Variants in CPLX4 observed in about 807,000 individuals in gnomAD.
CPLX4 encodes the protein complexin 4.
In CPLX4, 17 loss-of-function variants were observed where a neutral mutation model predicts 16.1. The ratio of observed to expected loss-of-function variants is 1.06; its 90% CI spans 0.72 to 1.59. The LOEUF is 1.59. Ranked by LOEUF, CPLX4 falls within the 40% of genes most tolerant of loss-of-function variation. CPLX4 has a pLI of 0.00. For missense variants in CPLX4, 193 were observed against 192.9 expected, an observed-to-expected ratio of 1.00 and a Z score of 0.00; for synonymous variants, 55 against 57.8, an observed-to-expected ratio of 0.95 and a Z score of 0.22.
intron 1 of CPLX4, among the ~76,000 whole-genome samples, chr18:59,313,868 G>A (rs535434942): frequency 2.6e-5 from 4 of 152,316 alleles, no homozygotes; most frequent in African/African-American, 7.2e-5. Context: ...TTAGGCCCAC[G>A]TGAGGCCTGA....
At chr18:59,297,702 G>A (rs942711778) in intron 2 of CPLX4, among the ~76,000 whole-genome samples, 4 of 152,192 alleles carry the variant, frequency 2.6e-5, no homozygotes, top group Non-Finnish European at 4.4e-5. Flanking sequence ...TCAGCCCCAT[G>A]CCAAGACCCA....
chr18:59,314,802 C>T (rs1221855164), intron 1 of CPLX4, among the ~76,000 whole-genome samples: 1 of 152,180 alleles, frequency 6.6e-6, no homozygotes, highest in Admixed American at 6.5e-5. Flanking sequence ...AAAATACTTT[C>T]GAGATTTAAC....
intron 1 of CPLX4, among the ~76,000 whole-genome samples, chr18:59,315,065 TG>T (rs35742794): frequency 0.056 from 8,578 of 152,340 alleles, 310 homozygotes; most frequent in Middle Eastern, 0.13. Flanking sequence ...GGTAACTTAC[TG>T]GGATGCATTT....
chr18:59,313,617 T>G (rs1312412305), intron 1 of CPLX4, among the ~76,000 whole-genome samples: 5 of 152,200 alleles, frequency 3.3e-5, no homozygotes, highest in Non-Finnish European at 5.9e-5. Context: ...CTATATTGGG[T>G]TAGACCAAGC....
chr18:59,314,671 C>A (rs959171672), intron 1 of CPLX4, among the ~76,000 whole-genome samples: 1 of 152,170 alleles, frequency 6.6e-6, no homozygotes, highest in Admixed American at 6.5e-5. Context: ...CAAGGCCTAC[C>A]CCCTAGCCCT....
At chr18:59,297,065 GTCCT>G in intron 2 of CPLX4, 140 bp from the exon 3 acceptor site, 1 of 1,366,314 alleles carries the variant, frequency 7.3e-7, no homozygotes, top group Non-Finnish European at 9.7e-7. Context: ...GCAGAGCCTG[GTCCT>G]GATGGCAGTT....
chr18:59,306,079 G>C (rs1271804425), intron 2 of CPLX4, among the ~76,000 whole-genome samples: 1 of 152,210 alleles, frequency 6.6e-6, no homozygotes, highest in African/African-American at 2.4e-5. Flanking sequence ...GGTTTCAGCA[G>C]AGCAGTGAGA....
In CPLX4 at chr18:59,296,822, T is replaced by C. The variant is rs888520772; in HGVS notation, c.359A>G (p.Lys120Arg). 6.2e-7 allele frequency: 1 copy of C among 1,613,820 alleles called. No homozygotes were observed. Among genetic ancestry groups the C allele is most frequent in the African/African-American group, 1.3e-5 (1 of 74,868 alleles). ...CTGTATCTGCCCAAGAATAGAATCT[T>C]TATCTTCTTCCTCTTCTTGATCTTC... Reference protein sequence around the residue: ...VDEDQEEEEDKDSILGQIQNL... With the variant: ...VDEDQEEEEDRDSILGQIQNL... Residue 120 changes from lysine (K) to arginine (R), a missense_variant, in exon 3 of 3, where the codon AAA becomes AGA. Physicochemically the swap from Lys to Arg is conservative, Grantham distance 26. Transcript: ENST00000299721.
At chr18:59,301,889 C>A (rs1476187144) in intron 2 of CPLX4, among the ~76,000 whole-genome samples, 1 of 152,212 alleles carries the variant, frequency 6.6e-6, no homozygotes, top group African/African-American at 2.4e-5. Context: ...GACTGTTGAG[C>A]AGATTGAATG....
At chr18:59,297,992 C>T (rs1224381573) in intron 2 of CPLX4, among the ~76,000 whole-genome samples, 1 of 152,220 alleles carries the variant, frequency 6.6e-6, no homozygotes, top group Non-Finnish European at 1.5e-5. Context: ...TTCGGTGTTG[C>T]TGACGCTGTC....
Position 59,312,685 on chromosome 18 carries a change from C to A in CPLX4, c.255G>T (p.Lys85Asn). ...ATTAGATGTTTCCAGAGTGTCTTAC[C>A]TTTGGGAGCCTGTATTTTTCTCTGA... The part of the protein sequence containing the change: ...VHLREKYRLP[K>N]SEMDENQIQM... The change falls in exon 2 of 3, where the codon AAG becomes AAT. Residue 85 changes from lysine (K) to asparagine (N), a missense_variant and splice_region_variant. Transcript: ENST00000299721. 1.6e-6 allele frequency: 2 copies of A among 1,228,164 alleles called. No homozygotes were observed. The highest frequency in any genetic ancestry group is 3.4e-5 in the Admixed American group (2 of 59,258). 76.1% of individuals were successfully genotyped at this position (1,228,164 alleles called of 1,614,324 possible).
rs2070664048 is a variant in CPLX4, at chr18:59,318,287, T to C, written c.167+9A>G. On this transcript the variant is annotated intron_variant, in intron 1 of 2. Coordinates refer to ENST00000299721, the MANE Select transcript of CPLX4 (RefSeq NM_181654.4). ...GCTTTTTAAGGGAAATGAAATAGCA[T>C]GTACTCACTTCTCCTCAATCATTTG... is the stretch of plus-strand genomic sequence containing the variant. 1 of 1,596,910 alleles carries C rather than the reference T, an allele frequency of 6.3e-7. No individual in the cohort carries two copies. The highest frequency in any genetic ancestry group is 1.3e-5 in the African/African-American group (1 of 74,236).
At chr18:59,302,426 G>T (rs2070548169) in intron 2 of CPLX4, among the ~76,000 whole-genome samples, 1 of 152,244 alleles carries the variant, frequency 6.6e-6, no homozygotes, top group South Asian at 2.1e-4. Context: ...TGGCGTGAAT[G>T]AATGAATGAG....
intron 2 of CPLX4, among the ~76,000 whole-genome samples, chr18:59,302,400 T>C (rs1268137697): frequency 1.3e-5 from 2 of 152,190 alleles, no homozygotes; most frequent in African/African-American, 4.8e-5. Context: ...GAGGGAAGGC[T>C]CAAGGATGAG....
At position 59,296,007 on chromosome 18, in the gene CPLX4, C is replaced by T. The variant is rs2070497444; in HGVS notation, c.*691G>A. The T allele has an allele frequency of 6.6e-6, 1 of 152,326 alleles. No homozygotes were observed. Among genetic ancestry groups the T allele is most frequent in the South Asian group, 2.1e-4 (1 of 4,828 alleles). 9.4% of individuals were successfully genotyped at this position (152,326 alleles called of 1,614,324 possible). On this transcript the variant is annotated 3_prime_UTR_variant, in exon 3 of 3. Transcript: ENST00000299721. ...TTTCCCTCTGCCTCTAATTGTGCCTCCCTTGGTTCCATTCTTCACATGGCC... is the reference window on the plus strand; with the variant it reads ...TTTCCCTCTGCCTCTAATTGTGCCTTCCTTGGTTCCATTCTTCACATGGCC...
At chr18:59,303,306 C>A (rs2070554486) in intron 2 of CPLX4, among the ~76,000 whole-genome samples, 3 of 152,154 alleles carry the variant, frequency 2.0e-5, no homozygotes, top group African/African-American at 7.2e-5. Flanking sequence ...TGAAAGTGTG[C>A]ATGCGTTGGG....
intron 2 of CPLX4, among the ~76,000 whole-genome samples, chr18:59,309,833 AAAAAAAAAAG>A (rs1223471406): frequency 3.5e-5 from 4 of 113,180 alleles, no homozygotes; most frequent in African/African-American, 1.3e-4. Context: ...AAAAAAAAAA[AAAAAAAAAAG>A]AAAAAGAAAA....
chr18:59,315,681 C>T (rs896407910), intron 1 of CPLX4, among the ~76,000 whole-genome samples: 2 of 151,954 alleles, frequency 1.3e-5, no homozygotes, highest in African/African-American at 2.4e-5. Flanking sequence ...TTTATGTTTA[C>T]GTGTATGATG....
chr18:59,300,490 T>C (rs1461933037), intron 2 of CPLX4, among the ~76,000 whole-genome samples: 1 of 152,210 alleles, frequency 6.6e-6, no homozygotes, highest in Non-Finnish European at 1.5e-5. Context: ...TTTATCTTTA[T>C]AATTCCATTG....
Sources: gnomAD v4.1 joint callset for allele counts (sites outside exome capture counted in the v4.1 genomes callset) on GRCh38, gnomAD v4.1.1 for gene constraint, MANE v1.5 for transcripts, NCBI Gene and HGNC (gene_info 2026-07-23, HGNC 2026-07-21) for gene names.